IDH3A: variants seen among roughly 807,000 people sequenced by gnomAD.
IDH3A encodes isocitrate dehydrogenase [NAD] subunit alpha, mitochondrial.
IDH3A carries 23 observed loss-of-function variants against 43.3 expected under a neutral mutation model. That is an observed-to-expected ratio of 0.53 (90% CI 0.38 to 0.75). The LOEUF is 0.75. IDH3A is among the 30% of genes least tolerant of loss of function. The probability of loss-of-function intolerance (pLI) is 0.00; values close to 1 mark genes in which losing one functional copy is unlikely to be tolerated. For missense variants in IDH3A, 329 were observed against 474.4 expected, an observed-to-expected ratio of 0.69 and a Z score of 2.85; for synonymous variants, 154 against 163.5, an observed-to-expected ratio of 0.94 and a Z score of 0.44.
chr15:78,163,189 CTA>C (rs1302764208), intron 6 of IDH3A, among the ~76,000 whole-genome samples: 1 of 152,158 alleles, frequency 6.6e-6, no homozygotes, highest in African/African-American at 2.4e-5. Context: ...ATTTAAATTA[CTA>C]TGTTAACCTT....
chr15:78,151,796 G>T (rs1230234135), intron 1 of IDH3A, among the ~76,000 whole-genome samples: 4 of 149,046 alleles, frequency 2.7e-5, no homozygotes, highest in South Asian at 2.1e-4. Flanking sequence ...AATGATGTGA[G>T]ATATATATAT....
At chr15:78,149,706 C>T (rs2074557419) in intron 1 of IDH3A, among the ~76,000 whole-genome samples, 1 of 152,232 alleles carries the variant, frequency 6.6e-6, no homozygotes, top group Admixed American at 6.5e-5. Context: ...TGCCGAGACC[C>T]GGCTGCCGTC....
At position 78,171,522 on chromosome 15, in the gene IDH3A, CG is replaced by C; in HGVS notation, c.*2518del. ...AAACTGTGAGCCGTTTCAGTTTCAT[CG>C]TGGGACCTAAAAGGGAAATGAGAAG... On this transcript the variant is annotated 3_prime_UTR_variant, in exon 11 of 11. Transcript: ENST00000299518. 3 of 1,613,930 alleles carry C rather than the reference CG, an allele frequency of 1.9e-6. No homozygotes were observed. Among genetic ancestry groups the C allele is most frequent in the Non-Finnish European group, 2.5e-6 (3 of 1,179,862 alleles).
In IDH3A at chr15:78,168,991, A is replaced by G; in HGVS notation, c.1087A>G (p.Lys363Glu). The G allele has an allele frequency of 6.3e-7, 1 of 1,597,298 alleles. No individual in the cohort carries two copies. Among genetic ancestry groups the G allele is most frequent in the Non-Finnish European group, 8.6e-7 (1 of 1,165,886 alleles). Residue 363 changes from lysine (K) to glutamate (E), a missense_variant, in exon 11 of 11, where the codon AAA becomes GAA. Around this residue, in one of 3 missense-constraint regions of IDH3A, gnomAD observed 91 missense variants for 111.6 expected, o/e 0.82. Transcript: ENST00000299518. Reference protein sequence around the residue: ...DFTEEICRRVKDLD With the variant: ...DFTEEICRRVEDLD ...CACAGAGGAAATCTGTCGCCGAGTA[A>G]AAGATTTAGATTAACACTTCTACAA...
chr15:78,162,525 A>G, intron 6 of IDH3A, among the ~76,000 whole-genome samples, 158 bp downstream of exon 6: 1 of 148,482 alleles, frequency 6.7e-6, no homozygotes, highest in African/African-American at 2.5e-5. Flanking sequence ...CTTCTGTCGG[A>G]GTCTCCTCTT....
intron 3 of IDH3A, 62 bp downstream of exon 3, chr15:78,157,693 G>C: frequency 8.5e-7 from 1 of 1,183,098 alleles, no homozygotes; most frequent in Non-Finnish European, 1.2e-6. Flanking sequence ...TAGCCAGTTG[G>C]ATTCTGTGAA....
In IDH3A at chr15:78,162,344, G is replaced by T. The variant is rs776617301; in HGVS notation, c.588G>T (p.Thr196=). The T allele has an allele frequency of 3.1e-6, 5 of 1,614,122 alleles. No homozygotes were observed. The highest frequency in any genetic ancestry group is 1.6e-4 in the Middle Eastern group (1 of 6,062). ...GGAACAACCACCGGAGCAACGTCACGGCGGTGCACAAAGCCAACATCATGT... is the reference window on the plus strand; with the variant it reads ...GGAACAACCACCGGAGCAACGTCACTGCGGTGCACAAAGCCAACATCATGT... The part of the protein sequence containing the change: ...YARNNHRSNV[T]AVHKANIMRM... The change falls in exon 6 of 11, where the codon ACG becomes ACT. Residue 196 remains threonine (T), a synonymous_variant. Coordinates refer to ENST00000299518, the MANE Select transcript of IDH3A (RefSeq NM_005530.3).
rs904946037 is a variant in IDH3A at position 78,149,388 on chromosome 15, G to A, written c.-16G>A. The A allele has an allele frequency of 3.9e-6, 6 of 1,541,190 alleles. No homozygotes were observed. The African/African-American group carries it at 4.3e-5, about 11-fold the overall frequency. On this transcript the variant is annotated 5_prime_UTR_variant, in exon 1 of 11. Transcript: ENST00000299518. The stretch of plus-strand genomic sequence containing the variant: ...CTGCCGCTGCGGCTGTTGCTGCGGA[G>A]CCAGGAGGGGAAGCGATGGCTGGGC...
chr15:78,153,593 C>T (rs2074597859), intron 1 of IDH3A, among the ~76,000 whole-genome samples: 1 of 152,266 alleles, frequency 6.6e-6, no homozygotes, highest in South Asian at 2.1e-4. Context: ...TTCATTCATA[C>T]CTTTCTTGGC....
chr15:78,165,260 T>G (rs1375588539), intron 9 of IDH3A, among the ~76,000 whole-genome samples, 184 bp downstream of exon 9: 6 of 152,120 alleles, frequency 3.9e-5, no homozygotes, highest in Admixed American at 3.9e-4. Context: ...GGTGCGATCT[T>G]GGCTCACTGC....
chr15:78,151,437 G>C (rs1170540382), intron 1 of IDH3A: 1 of 152,132 alleles, frequency 6.6e-6, no homozygotes, highest in African/African-American at 2.4e-5. Flanking sequence ...TTTGCTGGGC[G>C]TGGTGGCGCA....
At chr15:78,159,685 C>T (rs1027221416) in intron 3 of IDH3A, among the ~76,000 whole-genome samples, 1 of 152,098 alleles carries the variant, frequency 6.6e-6, no homozygotes, top group African/African-American at 2.4e-5. Flanking sequence ...CTGTTTTTAG[C>T]AGTCACATCC....
intron 1 of IDH3A, among the ~76,000 whole-genome samples, chr15:78,152,161 C>A (rs949599159): frequency 1.4e-5 from 2 of 140,400 alleles, no homozygotes; most frequent in Non-Finnish European, 3.0e-5. Context: ...TGGGTTCAAG[C>A]GATTCTCCTG....
intron 2 of IDH3A, chr15:78,155,481 C>G: frequency 4.7e-6 from 2 of 421,980 alleles, no homozygotes; most frequent in Non-Finnish European, 8.5e-6. Flanking sequence ...TTACAGCTGG[C>G]TATGTAAGTT....
chr15:78,163,180 T>C (rs528160187), intron 6 of IDH3A, among the ~76,000 whole-genome samples: 1 of 152,360 alleles, frequency 6.6e-6, no homozygotes, highest in South Asian at 2.1e-4. Flanking sequence ...AGTAAAACTA[T>C]TTAAATTACT....
At chr15:78,168,558 C>G (rs1437312948) in intron 10 of IDH3A, 3 of 159,804 alleles carry the variant, frequency 1.9e-5, no homozygotes, top group Non-Finnish European at 2.7e-5. Flanking sequence ...GACATATTTC[C>G]CAAGGATTTT....
chr15:78,162,245 A>G lies in IDH3A; in HGVS notation c.489A>G (p.Gly163=). ...YSGIEHVIVD[G]VVQSIKLITE... ...TTCCTGTCTTGCAGATTGTTGATGGAGTCGTGCAGAGTATCAAGCTCATCA... is the reference window on the plus strand; with the variant it reads ...TTCCTGTCTTGCAGATTGTTGATGGGGTCGTGCAGAGTATCAAGCTCATCA... Residue 163 remains glycine (G), a synonymous_variant, in exon 6 of 11, where the codon GGA becomes GGG. Transcript: ENST00000299518. The G allele has an allele frequency of 6.2e-7, 1 of 1,614,120 alleles. No individual in the cohort carries two copies. The highest frequency in any genetic ancestry group is 2.2e-5 in the East Asian group (1 of 44,860).
chr15:78,150,133 T>C (rs1015652005), intron 1 of IDH3A, among the ~76,000 whole-genome samples: 7 of 152,194 alleles, frequency 4.6e-5, no homozygotes, highest in African/African-American at 1.7e-4. Context: ...TTGGTGGGAA[T>C]CCTGCAATCT....
In IDH3A at chr15:78,162,084, A is replaced by G. The variant is rs977742251; in HGVS notation, c.478-150A>G. 15 of 752,792 alleles carry G rather than the reference A, an allele frequency of 2.0e-5. No homozygotes were observed. In the South Asian group the frequency reaches 2.3e-4, roughly 12 times the overall value. The allele number at this position is 752,792 out of a possible 1,614,324, so 46.6% of individuals were successfully genotyped here. A position where few individuals can be genotyped will look rare whatever the true frequency, so the allele number is the denominator to read the frequency against. ...CCTCTTAGGGCTGGAGTTAACATGA[A>G]CCCCATTGTCGTAGCAGTGTGTGTG... On this transcript the variant is annotated intron_variant, in intron 5 of 10. Coordinates refer to ENST00000299518, the MANE Select transcript of IDH3A (RefSeq NM_005530.3).
Sources: gnomAD v4.1 joint callset for allele counts (sites outside exome capture counted in the v4.1 genomes callset) on GRCh38, gnomAD v4.1.1 for gene constraint, gnomAD v4.1.1 regional missense constraint, MANE v1.5 for transcripts, NCBI Gene and HGNC (gene_info 2026-07-23, HGNC 2026-07-21) for gene names.